MYO3B: variants seen among roughly 807,000 people sequenced by gnomAD.
MYO3B encodes myosin IIIB, also known as myosin-IIIb.
In MYO3B, 156 loss-of-function variants were observed where a neutral mutation model predicts 174.6. The ratio of observed to expected loss-of-function variants is 0.89; its 90% CI spans 0.78 to 1.02. The LOEUF (loss-of-function observed/expected upper bound fraction) is 1.02. Among genes scored for constraint, MYO3B ranks in the 50% least tolerant of loss-of-function variants. The pLI is 0.00. For missense variants in MYO3B, 1,632 were observed against 1,639.4 expected, an observed-to-expected ratio of 1.00 and a Z score of 0.08; for synonymous variants, 563 against 569.1, an observed-to-expected ratio of 0.99 and a Z score of 0.15.
At position 170,386,173 on chromosome 2, in the gene MYO3B, C is replaced by T. The variant is rs868263083; in HGVS notation, c.1291-16C>T. 1 of 1,611,740 alleles carries T rather than the reference C, an allele frequency of 6.2e-7. No homozygotes were observed. The highest frequency in any genetic ancestry group is 1.1e-5 in the South Asian group (1 of 90,888). ...TGCTATAAATTCTTCACTTGACGCT[C>T]CATTTTCTGTGCCAGTGCATTGTCA... On this transcript the variant is annotated splice_polypyrimidine_tract_variant and intron_variant, in intron 12 of 34. Transcript: ENST00000408978.
At chr2:170,511,884 G>A (rs948306713) in intron 28 of MYO3B, among the ~76,000 whole-genome samples, 2 of 152,182 alleles carry the variant, frequency 1.3e-5, no homozygotes. Context: ...CCAGAAGCAG[G>A]CAGGACATAA....
intron 25 of MYO3B, among the ~76,000 whole-genome samples, chr2:170,472,479 T>A (rs1575035249): frequency 6.6e-6 from 1 of 152,288 alleles, no homozygotes; most frequent in East Asian, 1.9e-4. Context: ...CCAAGCTAAA[T>A]CCTACTCATT....
At chr2:170,601,992 G>C (rs1575229216) in intron 32 of MYO3B, 2 of 873,426 alleles carry the variant, frequency 2.3e-6, no homozygotes, top group Admixed American at 1.7e-5. Context: ...CTTTAGGAGG[G>C]ATATAGGTTT....
At chr2:170,593,249 C>T (rs1481472760) in intron 32 of MYO3B, among the ~76,000 whole-genome samples, 1 of 152,126 alleles carries the variant, frequency 6.6e-6, no homozygotes, top group Non-Finnish European at 1.5e-5. Context: ...CTGAGCTTGC[C>T]ACCACACTTG....
At chr2:170,387,434 T>C in intron 14 of MYO3B, 126 bp downstream of exon 14, 2 of 854,354 alleles carry the variant, frequency 2.3e-6, no homozygotes, top group Non-Finnish European at 3.6e-6. Context: ...GGGCAAAGAA[T>C]TATTTAAGCA....
chr2:170,195,292 G>T (rs1329851484), intron 1 of MYO3B, among the ~76,000 whole-genome samples: 1 of 151,882 alleles, frequency 6.6e-6, no homozygotes, highest in Non-Finnish European at 1.5e-5. Flanking sequence ...GTCCTATCCT[G>T]TACCCATATA....
chr2:170,561,045 A>G (rs1691677917), intron 32 of MYO3B, among the ~76,000 whole-genome samples: 1 of 152,202 alleles, frequency 6.6e-6, no homozygotes, highest in African/African-American at 2.4e-5. Context: ...TTGGGTTGCC[A>G]TTAAGAAAGC....
intron 9 of MYO3B, among the ~76,000 whole-genome samples, chr2:170,374,375 G>A (rs996700256): frequency 6.6e-6 from 1 of 152,164 alleles, no homozygotes; most frequent in Non-Finnish European, 1.5e-5. Context: ...GATTCAGTGA[G>A]GGGATGATGA....
intron 22 of MYO3B, among the ~76,000 whole-genome samples, chr2:170,408,219 T>A (rs1336414542): frequency 6.6e-6 from 1 of 152,236 alleles, no homozygotes; most frequent in African/African-American, 2.4e-5. Context: ...TATTTCTACT[T>A]GTGTGTCATT....
intron 7 of MYO3B, among the ~76,000 whole-genome samples, chr2:170,243,264 C>A (rs1394098533): frequency 6.6e-6 from 1 of 152,176 alleles, no homozygotes; most frequent in Non-Finnish European, 1.5e-5. Flanking sequence ...CTGTGATCAG[C>A]TGAGAATGTG....
chr2:170,211,768 A>C (rs184265586), intron 3 of MYO3B, among the ~76,000 whole-genome samples: 7 of 152,264 alleles, frequency 4.6e-5, no homozygotes, highest in Admixed American at 3.3e-4. Flanking sequence ...CAAGCACACA[A>C]AACAAGATGG....
intron 25 of MYO3B, among the ~76,000 whole-genome samples, chr2:170,474,476 C>T (rs1685182862): frequency 6.6e-6 from 1 of 151,826 alleles, no homozygotes; most frequent in Non-Finnish European, 1.5e-5. Context: ...GTGGCTGACG[C>T]CTGTAATCCC....
In MYO3B at chr2:170,559,912, A is replaced by ATG. The variant is rs1242832510; in HGVS notation, c.3733+15934_3733+15935dup. ...GATCTGTGTTCCTGGGTTCCTAAGA[A>ATG]TGTGTGTGTGTTTGTCTGTGTGTGT... On this transcript the variant is annotated intron_variant, in intron 32 of 34. Transcript: ENST00000408978. Among the ~76,000 whole-genome samples the ATG allele has an allele frequency of 2.0e-5, 3 of 152,070 alleles. No homozygotes were observed. The Middle Eastern group carries it at 0.01, about 517-fold the overall frequency.
At chr2:170,233,893 C>T (rs964056715) in intron 6 of MYO3B, among the ~76,000 whole-genome samples, 8 of 152,062 alleles carry the variant, frequency 5.3e-5, no homozygotes, top group South Asian at 4.1e-4. Flanking sequence ...TGTTTCTGGC[C>T]GGGCGCGGTG....
chr2:170,443,235 C>G lies in MYO3B; in HGVS notation c.2651-732C>G, dbSNP rs571426892. Among the ~76,000 whole-genome samples, 650 of 152,344 alleles carry G rather than the reference C, an allele frequency of 4.3e-3. 4 individuals are homozygous for G. The highest frequency in any genetic ancestry group is 0.015 in the African/African-American group (635 of 41,572). On this transcript the variant is annotated intron_variant, in intron 22 of 34. Coordinates refer to ENST00000408978, the MANE Select transcript of MYO3B (RefSeq NM_138995.5). ...CATTGTGGTTTTGATTTGCATTTCTCTGATGGCCAGTGATGATGAGCATTT... is the reference window on the plus strand; with the variant it reads ...CATTGTGGTTTTGATTTGCATTTCTGTGATGGCCAGTGATGATGAGCATTT...
intron 28 of MYO3B, among the ~76,000 whole-genome samples, chr2:170,503,763 T>A (rs1252441522): frequency 6.6e-6 from 1 of 152,068 alleles, no homozygotes; most frequent in African/African-American, 2.4e-5. Flanking sequence ...TGCAGGGGCT[T>A]AGATGGGCAT....
chr2:170,340,355 T>C (rs1293230332), intron 8 of MYO3B: 1 of 152,210 alleles, frequency 6.6e-6, no homozygotes, highest in East Asian at 1.9e-4. Flanking sequence ...TGCTCAGCTT[T>C]GGATTTAATG....
In MYO3B at chr2:170,330,486, A is replaced by T. The variant is rs759764533; in HGVS notation, c.750-4899A>T. ...TCTTCTTTTAAGTTGCATTTTCTTCACTTGTGAAACTGGAATAATTCCTAT... is the reference window on the plus strand; with the variant it reads ...TCTTCTTTTAAGTTGCATTTTCTTCTCTTGTGAAACTGGAATAATTCCTAT... On this transcript the variant is annotated intron_variant, in intron 7 of 34. Transcript: ENST00000408978. Among the ~76,000 whole-genome samples the T allele has an allele frequency of 2.6e-5, 4 of 152,136 alleles. No homozygotes were observed. The South Asian group carries it at 8.3e-4, about 32-fold the overall frequency.
intron 25 of MYO3B, among the ~76,000 whole-genome samples, chr2:170,479,961 ATATATG>A (rs1215013172): frequency 3.4e-5 from 5 of 148,682 alleles, no homozygotes; most frequent in Non-Finnish European, 5.9e-5. Context: ...ATATATGTGT[ATATATG>A]TATATGTATA....
Sources: gnomAD v4.1 joint callset for allele counts (sites outside exome capture counted in the v4.1 genomes callset) on GRCh38, gnomAD v4.1.1 for gene constraint, MANE v1.5 for transcripts, NCBI Gene and HGNC (gene_info 2026-07-23, HGNC 2026-07-21) for gene names.